ADAMTS18: variants seen among roughly 807,000 people sequenced by gnomAD.
ADAMTS18 encodes A disintegrin and metalloproteinase with thrombospondin motifs 18.
A neutral mutation model predicts 165.9 loss-of-function variants in ADAMTS18; 157 were observed. The observed-to-expected ratio is 0.95, with a 90% CI of 0.83 to 1.08. ADAMTS18 has a LOEUF of 1.08. Among genes scored for constraint, ADAMTS18 ranks in the 50% least tolerant of loss-of-function variants. The pLI, the probability that ADAMTS18 is intolerant of heterozygous loss-of-function variation, is 0.00. For missense variants in ADAMTS18, 2,040 were observed against 1,534.0 expected (o/e 1.33, Z -5.51); for synonymous variants, 782 against 578.2 (o/e 1.35, Z -5.06).
chr16:77,288,808 A>G (rs1392065917), intron 22 of ADAMTS18, among the ~76,000 whole-genome samples: 1 of 152,190 alleles, frequency 6.6e-6, no homozygotes, highest in Admixed American at 6.5e-5. Context: ...CTTCAGACCC[A>G]TGCAAACAAG....
chr16:77,334,910 C>G lies in ADAMTS18; in HGVS notation c.1859+846G>C, dbSNP rs186500975. ...TATAATATACAGTATATATACTGTA[C>G]ATTATAGTATATAGTATATATACTG... On this transcript the variant is annotated intron_variant, in intron 12 of 22. Coordinates refer to ENST00000282849, the MANE Select transcript of ADAMTS18 (RefSeq NM_199355.4). Among the ~76,000 whole-genome samples the G allele has an allele frequency of 2.8e-3, 369 of 131,904 alleles. 6 individuals carry two copies. Among genetic ancestry groups the G allele is most frequent in the African/African-American group, 9.6e-3 (328 of 33,990 alleles). 86.5% of individuals were successfully genotyped at this position (131,904 alleles called of 152,430 possible).
At chr16:77,373,494 G>GA (rs1409665184) in intron 3 of ADAMTS18, among the ~76,000 whole-genome samples, 1 of 150,670 alleles carries the variant, frequency 6.6e-6, no homozygotes, top group African/African-American at 2.4e-5. Flanking sequence ...GAAAAGAAAA[G>GA]AAAAAAAAGT....
At chr16:77,306,843 A>C (rs2055691063) in intron 16 of ADAMTS18, among the ~76,000 whole-genome samples, 1 of 152,228 alleles carries the variant, frequency 6.6e-6, no homozygotes. Flanking sequence ...TCACATAGCT[A>C]ATAAGTCACA....
At position 77,411,677 on chromosome 16, in the gene ADAMTS18, A is replaced by ATTTTTT. The variant is rs34453966; in HGVS notation, c.495+19612_495+19617dup. On this transcript the variant is annotated intron_variant, in intron 3 of 22. Transcript: ENST00000282849. The stretch of plus-strand genomic sequence containing the variant: ...CTTGATGGACCACAGAGTATCCAGA[A>ATTTTTT]TTTTTTTTTTTTTTTTTTTTTTTTT... 3.2e-3 allele frequency among the ~76,000 whole-genome samples: 235 copies of ATTTTTT among 73,900 alleles called. 32 individuals carry two copies. The highest frequency in any genetic ancestry group is 8.1e-3 in the African/African-American group (152 of 18,766). The allele number at this position is 73,900 out of a possible 152,430, so 48.5% of individuals were successfully genotyped here.
intron 9 of ADAMTS18, among the ~76,000 whole-genome samples, 155 bp downstream of exon 9, chr16:77,355,785 G>C (rs1015425437): frequency 2.6e-5 from 4 of 152,078 alleles, no homozygotes; most frequent in Middle Eastern, 3.2e-3. Flanking sequence ...TTTCAACAAT[G>C]TCATCATCAC....
chr16:77,365,113 C>A (rs752757602), intron 4 of ADAMTS18, among the ~76,000 whole-genome samples: 7 of 152,100 alleles, frequency 4.6e-5, no homozygotes, highest in African/African-American at 7.2e-5. Flanking sequence ...AAAAGAAACA[C>A]CCAACCACAC....
intron 3 of ADAMTS18, among the ~76,000 whole-genome samples, chr16:77,411,527 G>C (rs1373558594): frequency 6.6e-6 from 1 of 152,018 alleles, no homozygotes; most frequent in Non-Finnish European, 1.5e-5. Flanking sequence ...CAGGAGACAG[G>C]CATTATTCAA....
intron 3 of ADAMTS18, among the ~76,000 whole-genome samples, chr16:77,376,607 A>T (rs776111257): frequency 3.9e-5 from 6 of 152,124 alleles, no homozygotes; most frequent in Non-Finnish European, 8.8e-5. Flanking sequence ...TTCTTCCTGC[A>T]TTGTGTTTTG....
chr16:77,431,802 G>A (rs1039448664), intron 2 of ADAMTS18, 191 bp from the exon 3 acceptor site: 4 of 646,494 alleles, frequency 6.2e-6, no homozygotes, highest in South Asian at 1.8e-5. Context: ...CTCGGCCACA[G>A]TCATTTCTAC....
At chr16:77,424,461 T>C (rs1051466817) in intron 3 of ADAMTS18, among the ~76,000 whole-genome samples, 6 of 131,278 alleles carry the variant, frequency 4.6e-5, no homozygotes, top group East Asian at 2.2e-4. Context: ...AGAGTGAAAC[T>C]CCATCTCAAA....
chr16:77,385,912 C>A (rs1461929481), intron 3 of ADAMTS18, among the ~76,000 whole-genome samples: 2 of 152,124 alleles, frequency 1.3e-5, no homozygotes, highest in East Asian at 3.9e-4. Context: ...AGCAATTGTG[C>A]AGTCCATCCC....
chr16:77,396,878 C>T (rs2057264374), intron 3 of ADAMTS18, among the ~76,000 whole-genome samples: 1 of 151,640 alleles, frequency 6.6e-6, no homozygotes, highest in African/African-American at 2.4e-5. Context: ...ACAATCTTGG[C>T]TCACTGCAAC....
chr16:77,368,855 C>T (rs1319330015), intron 3 of ADAMTS18, among the ~76,000 whole-genome samples: 7 of 152,126 alleles, frequency 4.6e-5, no homozygotes, highest in Admixed American at 4.6e-4. Context: ...TTTACCAAAT[C>T]AAGAAGAAAG....
chr16:77,363,542 A>G (rs1438672888), intron 6 of ADAMTS18, among the ~76,000 whole-genome samples: 1 of 150,568 alleles, frequency 6.6e-6, no homozygotes, highest in East Asian at 1.9e-4. Context: ...ATCTATTTGT[A>G]TATTATTTAG....
intron 12 of ADAMTS18, among the ~76,000 whole-genome samples, chr16:77,333,065 T>C (rs1374697734): frequency 6.6e-6 from 1 of 152,162 alleles, no homozygotes; most frequent in Non-Finnish European, 1.5e-5. Context: ...ATAGCACAAG[T>C]ATTTAATTAT....
At chr16:77,413,812 A>T (rs1239381087) in intron 3 of ADAMTS18, among the ~76,000 whole-genome samples, 5 of 151,816 alleles carry the variant, frequency 3.3e-5, no homozygotes, top group African/African-American at 1.2e-4. Context: ...CATCTGAAAA[A>T]AAAAAAAAGC....
At chr16:77,434,351 C>G in intron 2 of ADAMTS18, 67 bp downstream of exon 2, 1 of 1,521,262 alleles carries the variant, frequency 6.6e-7, no homozygotes, top group South Asian at 1.2e-5. Flanking sequence ...TCTTTTCTCT[C>G]TTTGGGGGAA....
At chr16:77,290,368 G>A (rs1246208944) in intron 21 of ADAMTS18, among the ~76,000 whole-genome samples, 1 of 152,164 alleles carries the variant, frequency 6.6e-6, no homozygotes, top group Non-Finnish European at 1.5e-5. Flanking sequence ...TATTGGGGGA[G>A]CAGATTTGGC....
At chr16:77,313,872 C>A (rs775733023) in intron 16 of ADAMTS18, among the ~76,000 whole-genome samples, 1 of 152,130 alleles carries the variant, frequency 6.6e-6, no homozygotes, top group Admixed American at 6.5e-5. Flanking sequence ...AGAAAAGAAA[C>A]AGGTAACACA....
Sources: gnomAD v4.1 joint callset for allele counts (sites outside exome capture counted in the v4.1 genomes callset) on GRCh38, gnomAD v4.1.1 for gene constraint, MANE v1.5 for transcripts, NCBI Gene and HGNC (gene_info 2026-07-23, HGNC 2026-07-21) for gene names.